Variants in NADK observed in about 807,000 individuals in gnomAD.
NADK encodes poly(P)/ATP NAD kinase.
NADK carries 22 observed loss-of-function variants against 49.8 expected under a neutral mutation model. That is an observed-to-expected ratio of 0.44 (90% CI 0.32 to 0.63). The LOEUF (loss-of-function observed/expected upper bound fraction) is 0.63, where lower values mean the gene tolerates loss of function less well. NADK is among the 30% of genes least tolerant of loss of function. NADK has a pLI of 0.06. For missense variants in NADK, 438 were observed against 609.4 expected, an observed-to-expected ratio of 0.72 and a Z score of 2.96; for synonymous variants, 268 against 253.7, an observed-to-expected ratio of 1.06 and a Z score of -0.54.
intron 3 of NADK, chr1:1,759,348 C>T (rs1645639971): frequency 7.1e-6 from 10 of 1,407,554 alleles, no homozygotes; most frequent in Non-Finnish European, 9.3e-6. Flanking sequence ...GCTGTGGGTA[C>T]TGCACGGAGA....
chr1:1,752,643 T>A lies in NADK; in HGVS notation c.*261A>T, dbSNP rs1645361031. On this transcript the variant is annotated 3_prime_UTR_variant, in exon 12 of 12. Transcript: ENST00000341426. Reference sequence around the variant, plus strand: ...AAATTGCGGCAGCTGGAGGCCGCGCTCCAGGGACCCACCGCGGGGTGTCAG... The same window carrying A: ...AAATTGCGGCAGCTGGAGGCCGCGCACCAGGGACCCACCGCGGGGTGTCAG... 1 of 412,962 alleles carries A rather than the reference T, an allele frequency of 2.4e-6. No individual in the cohort carries two copies. The highest frequency in any genetic ancestry group is 4.1e-5 in the Admixed American group (1 of 24,102). 25.6% of individuals were successfully genotyped at this position (412,962 alleles called of 1,614,324 possible). A position where few individuals can be genotyped will look rare whatever the true frequency, so the allele number is the denominator to read the frequency against.
chr1:1,756,798 G>A (rs573579489), intron 4 of NADK, 190 bp from the exon 5 acceptor site: 29 of 1,032,592 alleles, frequency 2.8e-5, no homozygotes, highest in East Asian at 1.2e-4. Context: ...ATGACTGGGC[G>A]GAGGGGGCTC....
chr1:1,766,972 T>C (rs1321966624), intron 1 of NADK, among the ~76,000 whole-genome samples: 1 of 151,718 alleles, frequency 6.6e-6, no homozygotes, highest in South Asian at 2.1e-4. Flanking sequence ...TGGAGTGCAG[T>C]GGTGTGATCG....
chr1:1,774,456 T>C (rs1189430889), intron 1 of NADK, among the ~76,000 whole-genome samples: 1 of 152,136 alleles, frequency 6.6e-6, no homozygotes, highest in East Asian at 1.9e-4. Flanking sequence ...GGTTTCTCCA[T>C]GTTGGTCAGG....
In NADK at chr1:1,778,014, C is replaced by T. The variant is rs1056810104; in HGVS notation, c.-41+275G>A. Among the ~76,000 whole-genome samples the T allele has an allele frequency of 1.3e-5, 2 of 152,156 alleles. No homozygotes were observed. The highest frequency in any genetic ancestry group is 2.4e-5 in the African/African-American group (1 of 41,442). Reference sequence around the variant, plus strand: ...AGCAGAGGCGACTGACAAGCGCGGTCCGGGCTGGACGGCCCCACCTTCCCC... The same window carrying T: ...AGCAGAGGCGACTGACAAGCGCGGTTCGGGCTGGACGGCCCCACCTTCCCC... On this transcript the variant is annotated intron_variant, in intron 1 of 11. Coordinates refer to ENST00000341426, the MANE Select transcript of NADK (RefSeq NM_023018.5). The surrounding 1 kb of genome is among the most constrained non-coding windows in gnomAD (Gnocchi z 4.9).
At chr1:1,774,106 T>C (rs1646137455) in intron 1 of NADK, among the ~76,000 whole-genome samples, 1 of 151,822 alleles carries the variant, frequency 6.6e-6, no homozygotes, top group South Asian at 2.1e-4. Context: ...TATAAAATAA[T>C]ATTAAATATT....
Position 1,754,123 on chromosome 1 carries a change from G to A in NADK, c.1029C>T (p.Ile343=). 1 of 1,611,080 alleles carries A rather than the reference G, an allele frequency of 6.2e-7. No homozygotes were observed. The highest frequency in any genetic ancestry group is 1.3e-5 in the African/African-American group (1 of 74,946). The part of the protein sequence containing the change: ...ASMIHPNVPA[I]MITPICPHSL... ...AGTGGGGGCAGATGGGCGTGATCAT[G>A]ATGGCCGGCACGTTGGGGTGGATCA... Residue 343 remains isoleucine (I), a synonymous_variant, in exon 10 of 12, where the codon ATC becomes ATT. Coordinates refer to ENST00000341426, the MANE Select transcript of NADK (RefSeq NM_023018.5). This position sits in a 1 kb window ranked among gnomAD's most constrained non-coding sequence, Gnocchi z 4.3.
intron 10 of NADK, 25 bp from the exon 11 acceptor site, chr1:1,753,674 T>TG: frequency 1.3e-6 from 2 of 1,582,358 alleles, no homozygotes; most frequent in African/African-American, 2.7e-5. Context: ...GGGAGAGGTG[T>TG]GGGCCCCCAG....
upstream of NADK, among the ~76,000 whole-genome samples, chr1:1,778,974 GA>G (rs1245437845): frequency 6.6e-6 from 1 of 152,260 alleles, no homozygotes; most frequent in African/African-American, 2.4e-5. This position sits in a 1 kb window ranked among gnomAD's most constrained non-coding sequence, Gnocchi z 4.9. Context: ...GGCCGAGCCG[GA>G]TTTGGGAACC....
intron 3 of NADK, chr1:1,759,680 C>T: frequency 3.3e-6 from 5 of 1,531,748 alleles, no homozygotes; most frequent in Non-Finnish European, 3.5e-6. Context: ...GGGCGTGCTC[C>T]CATGGGGGTG....
In NADK at chr1:1,756,493, G is replaced by A; in HGVS notation, c.499+10C>T. The A allele has an allele frequency of 1.2e-6, 2 of 1,614,002 alleles. No homozygotes were observed. The highest frequency in any genetic ancestry group is 1.7e-6 in the Non-Finnish European group (2 of 1,180,016). On this transcript the variant is annotated intron_variant, in intron 5 of 11. Transcript: ENST00000341426. Reference sequence around the variant, plus strand: ...TGGAGAAACCAAGGACAGAGCTGCTGACAGCCCACCTTCTCGAAAGGTACA... The same window carrying A: ...TGGAGAAACCAAGGACAGAGCTGCTAACAGCCCACCTTCTCGAAAGGTACA...
At chr1:1,772,715 T>C (rs1281178667) in intron 1 of NADK, among the ~76,000 whole-genome samples, 1 of 151,510 alleles carries the variant, frequency 6.6e-6, no homozygotes, top group Non-Finnish European at 1.5e-5. Context: ...GGTTTTGATA[T>C]TGTACTATGG....
chr1:1,778,572 G>A (rs976215851), upstream of NADK: 5 of 151,272 alleles, frequency 3.3e-5, no homozygotes, highest in Non-Finnish European at 7.4e-5. The surrounding 1 kb of genome is among the most constrained non-coding windows in gnomAD (Gnocchi z 4.9). Flanking sequence ...CGGGCGGGAG[G>A]CGGCGGGCGT....
At position 1,754,242 on chromosome 1, in the gene NADK, C is replaced by G. The variant is rs377407242; in HGVS notation, c.944-34G>C. ...GACAGGCGCAGGCGTCACTCCCGCC[C>G]GAGGGACGCTCAGGGCCCCAGGACA... On this transcript the variant is annotated intron_variant, in intron 9 of 11. Coordinates refer to ENST00000341426, the MANE Select transcript of NADK (RefSeq NM_023018.5). The surrounding 1 kb of genome is among the most constrained non-coding windows in gnomAD (Gnocchi z 4.3). The G allele has an allele frequency of 6.2e-7, 1 of 1,613,178 alleles. No individual in the cohort carries two copies. Among genetic ancestry groups the G allele is most frequent in the South Asian group, 1.1e-5 (1 of 91,070 alleles).
chr1:1,778,369 C>A lies in NADK; in HGVS notation c.-121G>T. 1 of 150,938 alleles carries A rather than the reference C, an allele frequency of 6.6e-6. No individual in the cohort carries two copies. Among genetic ancestry groups the A allele is most frequent in the South Asian group, 2.0e-4 (1 of 5,024 alleles). 9.3% of individuals were successfully genotyped at this position (150,938 alleles called of 1,614,324 possible). On this transcript the variant is annotated 5_prime_UTR_variant, in exon 1 of 12. Transcript: ENST00000341426. The surrounding 1 kb of genome is among the most constrained non-coding windows in gnomAD (Gnocchi z 4.9). ...GCCCCGCCGCCGCGCCGCCGCCAGC[C>A]GTCGCTACCTGGCCCTTGGCGCCCT...
intron 1 of NADK, among the ~76,000 whole-genome samples, chr1:1,774,152 T>C (rs1646138529): frequency 6.7e-6 from 1 of 150,244 alleles, no homozygotes; most frequent in Admixed American, 6.6e-5. Context: ...CACCTATGTA[T>C]GTGTGTGTGT....
At position 1,754,582 on chromosome 1, in the gene NADK, G is replaced by A; in HGVS notation, c.805C>T (p.Leu269=). Reference sequence around the variant, plus strand: ...GCCTGCTTCCCGACATCCATGTCCAGGCCTGCAGCCTGCGAGCCGTTCTCA... The same window carrying A: ...GCCTGCTTCCCGACATCCATGTCCAAGCCTGCAGCCTGCGAGCCGTTCTCA... ...LGENGSQAAG[L]DMDVGKQAMQ... Residue 269 remains leucine (L), a synonymous_variant, in exon 8 of 12, where the codon CTG becomes TTG. Transcript: ENST00000341426. This position sits in a 1 kb window ranked among gnomAD's most constrained non-coding sequence, Gnocchi z 4.3. 1 of 1,613,418 alleles carries A rather than the reference G, an allele frequency of 6.2e-7. No homozygotes were observed. Among genetic ancestry groups the A allele is most frequent in the Non-Finnish European group, 8.5e-7 (1 of 1,179,786 alleles).
intron 1 of NADK, among the ~76,000 whole-genome samples, chr1:1,772,610 T>C (rs1334316092): frequency 1.3e-5 from 2 of 151,780 alleles, no homozygotes; most frequent in Non-Finnish European, 2.9e-5. Flanking sequence ...ATATAATTAA[T>C]TTAAGAGGTA....
At chr1:1,753,090 G>C in intron 11 of NADK, 30 bp from the exon 12 acceptor site, 3 of 1,588,722 alleles carry the variant, frequency 1.9e-6, no homozygotes, top group Non-Finnish European at 2.6e-6. Flanking sequence ...GCCTGAGCCA[G>C]GGCTTCCAGA....
Sources: gnomAD v4.1 joint callset for allele counts (sites outside exome capture counted in the v4.1 genomes callset) on GRCh38, gnomAD v4.1.1 for gene constraint, Gnocchi (gnomAD v3.1) non-coding constraint, MANE v1.5 for transcripts, NCBI Gene and HGNC (gene_info 2026-07-23, HGNC 2026-07-21) for gene names.